LRRIQ1: variants seen among roughly 807,000 people sequenced by gnomAD.
LRRIQ1 encodes the protein leucine-rich repeat- and IQ domain-containing protein 1.
In LRRIQ1, 210 loss-of-function variants were observed where a neutral mutation model predicts 211.9. The observed-to-expected ratio is 0.99, with a 90% CI of 0.89 to 1.11. The LOEUF is 1.11. LRRIQ1 is among the 50% of genes most tolerant of loss of function. The pLI is 0.00. For missense variants in LRRIQ1, 2,136 were observed against 1,939.5 expected, an observed-to-expected ratio of 1.10 and a Z score of -1.90; for synonymous variants, 699 against 650.1, an observed-to-expected ratio of 1.08 and a Z score of -1.14.
intron 24 of LRRIQ1, among the ~76,000 whole-genome samples, chr12:85,212,451 G>A (rs561454777): frequency 2.0e-4 from 31 of 152,098 alleles, no homozygotes; most frequent in African/African-American, 6.7e-4. Context: ...CAAAAAAGTC[G>A]CAGATGGAAG....
At chr12:85,131,465 T>C (rs1333906359) in intron 18 of LRRIQ1, among the ~76,000 whole-genome samples, 4 of 152,142 alleles carry the variant, frequency 2.6e-5, no homozygotes, top group African/African-American at 9.7e-5. Context: ...GCACTTACCC[T>C]ACCCCACTTA....
downstream of LRRIQ1, among the ~76,000 whole-genome samples, chr12:85,266,369 G>A (rs1301140479): frequency 3.3e-5 from 5 of 152,202 alleles, no homozygotes; most frequent in East Asian, 1.9e-4. Flanking sequence ...CAGCAGTCGC[G>A]TAAGTGAATA....
intron 10 of LRRIQ1, among the ~76,000 whole-genome samples, chr12:85,070,176 A>G (rs1387704917): frequency 1.3e-5 from 2 of 151,996 alleles, no homozygotes; most frequent in Non-Finnish European, 2.9e-5. Context: ...GGAATTCTTC[A>G]TAGGTGGTGT....
chr12:85,226,819 G>T (rs550070224), intron 24 of LRRIQ1, among the ~76,000 whole-genome samples: 8 of 151,592 alleles, frequency 5.3e-5, no homozygotes, highest in Admixed American at 5.3e-4. Flanking sequence ...CAGAATGATG[G>T]TTTCCAGCTG....
Position 85,127,909 on chromosome 12 carries a change from A to C in LRRIQ1, c.4085A>C (p.His1362Pro), listed in dbSNP as rs1476557426. 5.0e-6 allele frequency: 8 copies of C among 1,613,940 alleles called. No individual in the cohort carries two copies. The Admixed American group carries it at 6.7e-5, about 13-fold the overall frequency. The change falls in exon 18 of 27, where the codon CAT becomes CCT. Residue 1362 changes from histidine (H) to proline (P), a missense_variant. Coordinates refer to ENST00000393217, the MANE Select transcript of LRRIQ1 (RefSeq NM_001079910.2). ...CAGACTCATTTCTCCACAAGGCTACATACTGCTGCAACAGAAGGCCTGCCA... is the reference window on the plus strand; with the variant it reads ...CAGACTCATTTCTCCACAAGGCTACCTACTGCTGCAACAGAAGGCCTGCCA... The part of the protein sequence containing the change: ...RRQTHFSTRL[H>P]TAATEGLPNS...
intron 15 of LRRIQ1, among the ~76,000 whole-genome samples, chr12:85,110,810 A>C (rs1361065991): frequency 6.6e-6 from 1 of 152,104 alleles, no homozygotes; most frequent in African/African-American, 2.4e-5. Context: ...AAGCTAGTCT[A>C]TTCAGATGTA....
intron 11 of LRRIQ1, among the ~76,000 whole-genome samples, chr12:85,073,448 A>G (rs1883310042): frequency 6.6e-6 from 1 of 152,058 alleles, no homozygotes. Context: ...AGGCAAGTGC[A>G]TTGATAATGT....
intron 8 of LRRIQ1, among the ~76,000 whole-genome samples, 190 bp downstream of exon 8, chr12:85,057,374 A>G (rs779224603): frequency 6.6e-6 from 1 of 152,044 alleles, no homozygotes; most frequent in Non-Finnish European, 1.5e-5. Flanking sequence ...CATCTTCCCT[A>G]AGTGACACTC....
chr12:85,061,794 T>C (rs1462605346), intron 8 of LRRIQ1, among the ~76,000 whole-genome samples: 3 of 151,778 alleles, frequency 2.0e-5, no homozygotes, highest in Non-Finnish European at 4.4e-5. Flanking sequence ...CCCTACAAAT[T>C]GATGAGTATA....
intron 17 of LRRIQ1, among the ~76,000 whole-genome samples, chr12:85,125,660 G>A (rs1461654375): frequency 6.6e-6 from 1 of 152,066 alleles, no homozygotes; most frequent in African/African-American, 2.4e-5. Context: ...TAAGTAATTT[G>A]ATATGCTGAA....
chr12:85,130,428 A>G (rs1888669596), intron 18 of LRRIQ1, among the ~76,000 whole-genome samples: 1 of 152,212 alleles, frequency 6.6e-6, no homozygotes, highest in Admixed American at 6.5e-5. Flanking sequence ...TTGACAGTAA[A>G]CAACTATTCA....
At chr12:85,094,208 A>T (rs1885661261) in intron 11 of LRRIQ1, among the ~76,000 whole-genome samples, 1 of 152,210 alleles carries the variant, frequency 6.6e-6, no homozygotes, top group Non-Finnish European at 1.5e-5. Context: ...TAGACTGGAC[A>T]TAAGCAACAC....
chr12:85,126,680 T>G (rs1181567649), intron 17 of LRRIQ1, among the ~76,000 whole-genome samples: 1 of 152,172 alleles, frequency 6.6e-6, no homozygotes, highest in Non-Finnish European at 1.5e-5. Flanking sequence ...CTATTCGTAG[T>G]AAAACAGATT....
chr12:85,132,052 A>C (rs1888801405), intron 18 of LRRIQ1, among the ~76,000 whole-genome samples: 1 of 152,126 alleles, frequency 6.6e-6, no homozygotes, highest in African/African-American at 2.4e-5. Context: ...GAAAACACAC[A>C]TGCTATGTAT....
intron 11 of LRRIQ1, among the ~76,000 whole-genome samples, chr12:85,075,948 T>TA (rs1883600934): frequency 6.6e-6 from 1 of 152,100 alleles, no homozygotes; most frequent in South Asian, 2.1e-4. Flanking sequence ...TAGTAAATGA[T>TA]AGAGACAGGA....
intron 19 of LRRIQ1, among the ~76,000 whole-genome samples, chr12:85,141,635 A>G (rs1889546197): frequency 7.1e-6 from 1 of 140,832 alleles, no homozygotes. Flanking sequence ...AACCATTCTC[A>G]TTCAACTTTA....
At chr12:85,062,299 C>G (rs1471868353) in intron 8 of LRRIQ1, among the ~76,000 whole-genome samples, 1 of 151,740 alleles carries the variant, frequency 6.6e-6, no homozygotes, top group African/African-American at 2.4e-5. Context: ...ACCTGTCACC[C>G]AGGTAGTGAG....
intron 24 of LRRIQ1, among the ~76,000 whole-genome samples, chr12:85,182,988 G>T (rs1028920155): frequency 2.0e-5 from 3 of 152,144 alleles, no homozygotes; most frequent in African/African-American, 7.2e-5. Context: ...GTAAAAGACT[G>T]CAGGAGCCTT....
intron 14 of LRRIQ1, among the ~76,000 whole-genome samples, chr12:85,105,492 T>C (rs1232161883): frequency 6.6e-6 from 1 of 152,174 alleles, no homozygotes; most frequent in Non-Finnish European, 1.5e-5. Flanking sequence ...AAAATTGTTT[T>C]ACATTTTGTT....
Sources: gnomAD v4.1 joint callset for allele counts (sites outside exome capture counted in the v4.1 genomes callset) on GRCh38, gnomAD v4.1.1 for gene constraint, MANE v1.5 for transcripts, NCBI Gene and HGNC (gene_info 2026-07-23, HGNC 2026-07-21) for gene names.